Variants in PRCP observed in about 807,000 individuals in gnomAD.
PRCP encodes prolylcarboxypeptidase, also known as lysosomal Pro-X carboxypeptidase.
Under a neutral mutation model 54.2 loss-of-function variants are expected in PRCP, and 46 were observed. That is an observed-to-expected ratio of 0.85 (90% CI 0.67 to 1.09). The LOEUF (loss-of-function observed/expected upper bound fraction) is 1.09. PRCP is among the 50% of genes least tolerant of loss of function. The pLI is 0.00. For missense variants in PRCP, 613 were observed against 596.8 expected, an observed-to-expected ratio of 1.03 and a Z score of -0.28; for synonymous variants, 240 against 212.2, an observed-to-expected ratio of 1.13 and a Z score of -1.14.
At chr11:82,829,056 C>T (rs1452439920) in intron 8 of PRCP, 1 of 152,214 alleles carries the variant, frequency 6.6e-6, no homozygotes, top group Non-Finnish European at 1.5e-5. Context: ...CTCCACTGCA[C>T]AACCCTGATC....
chr11:82,873,066 G>GTTTT (rs11415071), intron 1 of PRCP, among the ~76,000 whole-genome samples: 9 of 119,020 alleles, frequency 7.6e-5, no homozygotes, highest in African/African-American at 1.5e-4. Flanking sequence ...ATTCTGATCT[G>GTTTT]TTTTTTTTTT....
chr11:82,856,523 G>A (rs1859084801), intron 2 of PRCP, among the ~76,000 whole-genome samples: 1 of 152,094 alleles, frequency 6.6e-6, no homozygotes, highest in African/African-American at 2.4e-5. Flanking sequence ...TACTAGAGGG[G>A]CTAATAGTGC....
chr11:82,888,802 C>A (rs1403680661), intron 1 of PRCP, among the ~76,000 whole-genome samples: 2 of 152,158 alleles, frequency 1.3e-5, no homozygotes, highest in Non-Finnish European at 2.9e-5. Flanking sequence ...TATACACACA[C>A]CTTCCTTACC....
chr11:82,856,781 G>C (rs1423511284), intron 2 of PRCP, among the ~76,000 whole-genome samples: 1 of 152,152 alleles, frequency 6.6e-6, no homozygotes, highest in African/African-American at 2.4e-5. Context: ...AGGCGCAGTC[G>C]CTCACGCCTG....
rs1455834464 is a variant in PRCP, at chr11:82,877,695, T to C, written c.169-17578A>G. On this transcript the variant is annotated intron_variant, in intron 1 of 8. Coordinates refer to ENST00000313010, the MANE Select transcript of PRCP (RefSeq NM_005040.4). ...CTCTGCCTAGATTTCAGAAGATGCA[T>C]GGAAATGCCTGGATGCCCAGGCAAA... Among the ~76,000 whole-genome samples, 6 of 152,160 alleles carry C rather than the reference T, an allele frequency of 3.9e-5. No individual in the cohort carries two copies. The South Asian group carries it at 1.0e-3, about 26-fold the overall frequency.
Position 82,853,161 on chromosome 11 carries a change from T to TA in PRCP, c.411+15dup, listed in dbSNP as rs1331501759. ...AAAGAAAAAGCTTGTAACTTTTAAG[T>TA]AAAAAGTATCTTTACCTTGAATGAG... is the stretch of plus-strand genomic sequence containing the variant. On this transcript the variant is annotated intron_variant, in intron 3 of 8. Transcript: ENST00000313010. The TA allele has an allele frequency of 3.2e-6, 5 of 1,552,300 alleles. No homozygotes were observed. Among genetic ancestry groups the TA allele is most frequent in the South Asian group, 1.2e-5 (1 of 84,598 alleles).
chr11:82,824,924 A>G lies in PRCP; in HGVS notation c.1473T>C (p.Ser491=). 1 of 1,614,020 alleles carries G rather than the reference A, an allele frequency of 6.2e-7. No homozygotes were observed. Among genetic ancestry groups the G allele is most frequent in the South Asian group, 1.1e-5 (1 of 91,052 alleles). Residue 491 remains serine (S), a synonymous_variant, in exon 9 of 9, where the codon AGT becomes AGC. Coordinates refer to ENST00000313010, the MANE Select transcript of PRCP (RefSeq NM_005040.4). The part of the protein sequence containing the change: ...MKNWIRDFYD[S]AGKQH Reference sequence around the variant, plus strand: ...AAGTTTCTCAGTGCTGCTTTCCCGCACTGTCATAGAAATCTCTGATCCAAT... The same window carrying G: ...AAGTTTCTCAGTGCTGCTTTCCCGCGCTGTCATAGAAATCTCTGATCCAAT...
chr11:82,826,265 T>C (rs1565214540), intron 8 of PRCP: 1 of 152,252 alleles, frequency 6.6e-6, no homozygotes, highest in African/African-American at 2.4e-5. Context: ...CAGCGTAATG[T>C]TTTCAAGTTT....
chr11:82,900,304 G>GT lies in PRCP; in HGVS notation c.98dup (p.His33GlnfsTer26), dbSNP rs1266375102. 6.2e-7 allele frequency: 1 copy of GT among 1,614,254 alleles called. No homozygotes were observed. Among genetic ancestry groups the GT allele is most frequent in the Non-Finnish European group, 8.5e-7 (1 of 1,180,032 alleles). On this transcript the variant is annotated frameshift_variant, in exon 1 of 9. Transcript: ENST00000313010. LOFTEE classifies it high-confidence loss of function. ...GGAGGGATGTGGGGTTGGTTGGCAAGTGTAGGCTGCCGAGGGCCCTTAAGG... is the reference window on the plus strand; with the variant it reads ...GGAGGGATGTGGGGTTGGTTGGCAAGTTGTAGGCTGCCGAGGGCCCTTAAGG...
intron 2 of PRCP, chr11:82,858,736 C>G (rs1000935828): frequency 9.2e-5 from 14 of 152,076 alleles, no homozygotes; most frequent in African/African-American, 3.1e-4. Flanking sequence ...GACAAGGCAG[C>G]CTCTGTGGTT....
At position 82,884,380 on chromosome 11, in the gene PRCP, A is replaced by C. The variant is rs574029529; in HGVS notation, c.168+15855T>G. Among the ~76,000 whole-genome samples, 4 of 152,276 alleles carry C rather than the reference A, an allele frequency of 2.6e-5. No homozygotes were observed. In the South Asian group the frequency reaches 8.3e-4, roughly 32 times the overall value. On this transcript the variant is annotated intron_variant, in intron 1 of 8. Coordinates refer to ENST00000313010, the MANE Select transcript of PRCP (RefSeq NM_005040.4). ...CGAGACCAACCTGGGCAACCTGTAG[A>C]AACCCCATCTCTACAAAAAAATACA... is the stretch of plus-strand genomic sequence containing the variant.
intron 8 of PRCP, chr11:82,831,375 C>T (rs1275668338): frequency 6.6e-6 from 1 of 152,190 alleles, no homozygotes; most frequent in Non-Finnish European, 1.5e-5. Flanking sequence ...ATATCAGGCA[C>T]TGATTGGGCA....
intron 1 of PRCP, among the ~76,000 whole-genome samples, chr11:82,866,783 G>A (rs958367155): frequency 3.3e-5 from 5 of 151,840 alleles, no homozygotes; most frequent in Admixed American, 2.6e-4. Context: ...GTGCAGGGGC[G>A]TGATCTCGGC....
chr11:82,864,087 G>C (rs1047042820), intron 1 of PRCP, among the ~76,000 whole-genome samples: 4 of 152,210 alleles, frequency 2.6e-5, no homozygotes, highest in Non-Finnish European at 5.9e-5. Context: ...GTGCTTAAAA[G>C]ATGTTAGTTC....
At chr11:82,897,721 G>A (rs915784058) in intron 1 of PRCP, among the ~76,000 whole-genome samples, 1 of 152,192 alleles carries the variant, frequency 6.6e-6, no homozygotes, top group Non-Finnish European at 1.5e-5. Context: ...ACATAGTAAG[G>A]AACAATGGAT....
In PRCP at chr11:82,823,150, G is replaced by T. The variant is rs1275385899; in HGVS notation, c.*1756C>A. The stretch of plus-strand genomic sequence containing the variant: ...CAAAAAATTCTATTTTTTGCAGTTT[G>T]TTTCTTCAGAATAATGTAACTCATC... On this transcript the variant is annotated 3_prime_UTR_variant, in exon 9 of 9. Coordinates refer to ENST00000313010, the MANE Select transcript of PRCP (RefSeq NM_005040.4). Among the ~76,000 whole-genome samples the T allele has an allele frequency of 6.6e-6, 1 of 152,062 alleles. No individual in the cohort carries two copies. The highest frequency in any genetic ancestry group is 1.9e-4 in the East Asian group (1 of 5,192).
intron 1 of PRCP, among the ~76,000 whole-genome samples, chr11:82,891,241 C>T (rs1860002856): frequency 6.6e-6 from 1 of 152,112 alleles, no homozygotes. Flanking sequence ...CTTTATCTCA[C>T]AACCTACATC....
intron 1 of PRCP, among the ~76,000 whole-genome samples, chr11:82,881,246 G>T (rs1859741967): frequency 6.6e-6 from 1 of 152,252 alleles, no homozygotes; most frequent in East Asian, 1.9e-4. Flanking sequence ...TTTCTATTAA[G>T]AAATCTTAAA....
At chr11:82,860,457 A>C (rs1377285055) in intron 1 of PRCP, among the ~76,000 whole-genome samples, 1 of 152,030 alleles carries the variant, frequency 6.6e-6, no homozygotes, top group African/African-American at 2.4e-5. Context: ...ATGCATTTTT[A>C]ATTGGCAAAT....
Sources: gnomAD v4.1 joint callset for allele counts (sites outside exome capture counted in the v4.1 genomes callset) on GRCh38, gnomAD v4.1.1 for gene constraint, MANE v1.5 for transcripts, NCBI Gene and HGNC (gene_info 2026-07-23, HGNC 2026-07-21) for gene names.